Variants in SEC23IP observed in about 807,000 individuals in gnomAD.
SEC23IP encodes SEC23-interacting protein.
A neutral mutation model predicts 113.4 loss-of-function variants in SEC23IP; 70 were observed. That is an observed-to-expected ratio of 0.62 (90% CI 0.51 to 0.75). The LOEUF (loss-of-function observed/expected upper bound fraction) is 0.75. SEC23IP is among the 30% of genes least tolerant of loss of function. The probability of loss-of-function intolerance (pLI) is 0.00; values close to 1 mark genes in which losing one functional copy is unlikely to be tolerated. For synonymous variants in SEC23IP, 398 were observed against 421.0 expected (o/e 0.95, Z 0.67); for missense variants, 1,160 against 1,204.9 (o/e 0.96, Z 0.55).
intron 12 of SEC23IP, 115 bp downstream of exon 12, chr10:119,921,099 A>G (rs1031833215): frequency 4.5e-6 from 3 of 671,832 alleles, no homozygotes; most frequent in Non-Finnish European, 7.5e-6. Context: ...CTCCCTACCT[A>G]GGGCACAGTA....
intron 11 of SEC23IP, among the ~76,000 whole-genome samples, chr10:119,920,383 A>G (rs12767411): frequency 0.052 from 7,915 of 152,302 alleles, 341 homozygotes; most frequent in South Asian, 0.19. Context: ...TTTATGGTGC[A>G]TCCGCATAAC....
At position 119,918,463 on chromosome 10, in the gene SEC23IP, T is replaced by G. The variant is rs1855128117; in HGVS notation, c.1824T>G (p.Leu608=). Residue 608 remains leucine (L), a synonymous_variant, in exon 10 of 19, where the codon CTT becomes CTG. Transcript: ENST00000369075. Reference sequence around the variant, plus strand: ...ATTTATCAAAGTGCCCTGGACCTCTTGCTGTTGCTAATGGAGTTGTGAAGC... The same window carrying G: ...ATTTATCAAAGTGCCCTGGACCTCTGGCTGTTGCTAATGGAGTTGTGAAGC... ...DLNLSKCPGP[L]AVANGVVKQL... The G allele has an allele frequency of 1.2e-6, 2 of 1,613,924 alleles. No homozygotes were observed. Among genetic ancestry groups the G allele is most frequent in the African/African-American group, 1.3e-5 (1 of 75,076 alleles).
chr10:119,923,654 T>C (rs1018626681), intron 12 of SEC23IP, among the ~76,000 whole-genome samples: 1 of 149,412 alleles, frequency 6.7e-6, no homozygotes, highest in African/African-American at 2.5e-5. Context: ...GTTCAAGCCA[T>C]TCTCCTGCTT....
intron 17 of SEC23IP, 62 bp from the exon 18 acceptor site, chr10:119,933,624 T>C: frequency 1.1e-6 from 1 of 890,334 alleles, no homozygotes. Context: ...TTTCAACCAT[T>C]GTGCATAGAA....
rs558247508 is a variant in SEC23IP at position 119,901,238 on chromosome 10, C to T, written c.697-1561C>T. Among the ~76,000 whole-genome samples, 3 of 152,112 alleles carry T rather than the reference C, an allele frequency of 2.0e-5. No individual in the cohort carries two copies. The South Asian group carries it at 6.2e-4, about 32-fold the overall frequency. ...CTCATGTTGGGCTCAAACTCCTGGC[C>T]TCAAATGATCCTCCTTCCTTGGCCT... On this transcript the variant is annotated intron_variant, in intron 2 of 18. Transcript: ENST00000369075.
intron 4 of SEC23IP, 128 bp downstream of exon 4, chr10:119,904,405 A>G: frequency 1.3e-6 from 1 of 764,334 alleles, no homozygotes; most frequent in South Asian, 1.8e-5. Context: ...CTGTTCACAG[A>G]GAAGATTACT....
chr10:119,931,463 G>A (rs1038845238), intron 15 of SEC23IP, among the ~76,000 whole-genome samples: 2 of 151,028 alleles, frequency 1.3e-5, no homozygotes, highest in African/African-American at 2.4e-5. Flanking sequence ...ACCTCCCAAA[G>A]TTTTGGGATT....
intron 5 of SEC23IP, among the ~76,000 whole-genome samples, chr10:119,909,458 T>G (rs1251069138): frequency 6.6e-6 from 1 of 152,140 alleles, no homozygotes; most frequent in African/African-American, 2.4e-5. Flanking sequence ...TAGTGGCACA[T>G]GCCTGTAGTC....
At chr10:119,905,007 G>A (rs1309831331) in intron 4 of SEC23IP, among the ~76,000 whole-genome samples, 2 of 152,168 alleles carry the variant, frequency 1.3e-5, no homozygotes, top group East Asian at 1.9e-4. Flanking sequence ...GGTGGCACAC[G>A]CTAGTAGTCC....
chr10:119,931,739 A>T (rs1245973600), intron 15 of SEC23IP, among the ~76,000 whole-genome samples: 1 of 151,932 alleles, frequency 6.6e-6, no homozygotes, highest in Non-Finnish European at 1.5e-5. Flanking sequence ...TTTTTAGTAG[A>T]GACGGGGTTT....
chr10:119,911,560 C>T (rs1241369786), intron 5 of SEC23IP, among the ~76,000 whole-genome samples: 2 of 152,002 alleles, frequency 1.3e-5, no homozygotes, highest in African/African-American at 2.4e-5. Flanking sequence ...ATTGCAGCCT[C>T]GACCTCTTGG....
chr10:119,934,316 T>C (rs920868471), intron 18 of SEC23IP, among the ~76,000 whole-genome samples: 3 of 152,192 alleles, frequency 2.0e-5, no homozygotes, highest in African/African-American at 7.2e-5. Context: ...CGCTCTTAAT[T>C]AGGGAAGCAG....
chr10:119,940,707 C>A lies in SEC23IP; in HGVS notation c.*142C>A, dbSNP rs1855939610. The A allele has an allele frequency of 6.6e-6, 1 of 152,016 alleles. No individual in the cohort carries two copies. The highest frequency in any genetic ancestry group is 1.5e-5 in the Non-Finnish European group (1 of 68,008). 9.4% of individuals were successfully genotyped at this position (152,016 alleles called of 1,614,324 possible). On this transcript the variant is annotated 3_prime_UTR_variant, in exon 19 of 19. Coordinates refer to ENST00000369075, the MANE Select transcript of SEC23IP (RefSeq NM_007190.4). ...GAGTGATTCATTAACAATTGCTCAGCCACAATTCTCGGATATAGGGATTCA... is the reference window on the plus strand; with the variant it reads ...GAGTGATTCATTAACAATTGCTCAGACACAATTCTCGGATATAGGGATTCA...
rs761616373 is a variant in SEC23IP, at chr10:119,903,027, A to G, written c.907+18A>G. The G allele has an allele frequency of 1.9e-6, 3 of 1,563,882 alleles. No homozygotes were observed. The highest frequency in any genetic ancestry group is 4.5e-5 in the East Asian group (2 of 44,626). ...TAATTCAGGTAAACATTGGTCATAC[A>G]TCATTCATATCTGATTTTAGGAAGA... On this transcript the variant is annotated intron_variant, in intron 3 of 18. Coordinates refer to ENST00000369075, the MANE Select transcript of SEC23IP (RefSeq NM_007190.4).
At chr10:119,928,561 T>C (rs1855493513) in intron 13 of SEC23IP, among the ~76,000 whole-genome samples, 1 of 152,250 alleles carries the variant, frequency 6.6e-6, no homozygotes, top group Non-Finnish European at 1.5e-5. Context: ...GGTTAAGTCA[T>C]GTCACATATT....
At chr10:119,927,959 G>C (rs1002203596) in intron 13 of SEC23IP, among the ~76,000 whole-genome samples, 2 of 152,140 alleles carry the variant, frequency 1.3e-5, no homozygotes, top group African/African-American at 4.8e-5. Flanking sequence ...AAGGTTGCCT[G>C]TTTCCTCTGT....
At position 119,943,185 on chromosome 10, in the gene SEC23IP, T is replaced by G. The variant is rs1856004574; in HGVS notation, c.*2620T>G. The G allele has an allele frequency of 6.6e-6, 1 of 152,186 alleles. No homozygotes were observed. Among genetic ancestry groups the G allele is most frequent in the South Asian group, 2.1e-4 (1 of 4,832 alleles). 9.4% of individuals were successfully genotyped at this position (152,186 alleles called of 1,614,324 possible). A position where few individuals can be genotyped will look rare whatever the true frequency, so the allele number is the denominator to read the frequency against. On this transcript the variant is annotated 3_prime_UTR_variant, in exon 19 of 19. Coordinates refer to ENST00000369075, the MANE Select transcript of SEC23IP (RefSeq NM_007190.4). ...GAACTGCAGACACTGAGTGTTTTGG[T>G]TTTCCTCCAAGTTATAGTTCTCATT...
chr10:119,904,154 A>T lies in SEC23IP; in HGVS notation c.978A>T (p.Arg326=). 6.2e-7 allele frequency: 1 copy of T among 1,614,206 alleles called. No individual in the cohort carries two copies. Among genetic ancestry groups the T allele is most frequent in the Non-Finnish European group, 8.5e-7 (1 of 1,180,036 alleles). ...GGRYDVYLYD[R]IRKAAYWEEE... ...GCTACGATGTTTACCTCTATGACCG[A>T]ATAAGGAAGGCTGCCTACTGGGAAG... is the stretch of plus-strand genomic sequence containing the variant. Residue 326 remains arginine, a synonymous_variant, in exon 4 of 19, where the codon CGA becomes CGT. Coordinates refer to ENST00000369075, the MANE Select transcript of SEC23IP (RefSeq NM_007190.4).
chr10:119,926,302 G>C, intron 13 of SEC23IP, 75 bp downstream of exon 13: 2 of 1,344,618 alleles, frequency 1.5e-6, no homozygotes, highest in South Asian at 3.2e-5. Flanking sequence ...TTGGCTTTAA[G>C]TTCTTTAAAT....
Sources: gnomAD v4.1 joint callset for allele counts (sites outside exome capture counted in the v4.1 genomes callset) on GRCh38, gnomAD v4.1.1 for gene constraint, MANE v1.5 for transcripts, NCBI Gene and HGNC (gene_info 2026-07-23, HGNC 2026-07-21) for gene names.